SNTN: variants seen among roughly 807,000 people sequenced by gnomAD.
The protein encoded by SNTN is sentan.
SNTN carries 13 observed loss-of-function variants against 12.3 expected under a neutral mutation model. That is an observed-to-expected ratio of 1.05 (90% confidence interval 0.69 to 1.67). The LOEUF (loss-of-function observed/expected upper bound fraction) is 1.67, where lower values mean the gene tolerates loss of function less well. Ranked by LOEUF, SNTN falls within the 40% of genes most tolerant of loss-of-function variation. SNTN has a pLI of 0.00. For synonymous variants in SNTN, 69 were observed against 58.5 expected (o/e 1.18, Z -0.82); for missense variants, 189 against 169.8 (o/e 1.11, Z -0.63).
chr3:63,661,915 T>C (rs188840176), intron 3 of SNTN, among the ~76,000 whole-genome samples: 2 of 152,222 alleles, frequency 1.3e-5, no homozygotes, highest in Admixed American at 6.5e-5. Flanking sequence ...TTGATGTAAC[T>C]CATCATCCCT....
chr3:63,653,464 G>A (rs556736029), intron 1 of SNTN, among the ~76,000 whole-genome samples: 59 of 152,128 alleles, frequency 3.9e-4, no homozygotes, highest in Non-Finnish European at 7.5e-4. Flanking sequence ...GACCACGAAG[G>A]GTTCGAGATA....
At position 63,652,832 on chromosome 3, in the gene SNTN, A is replaced by G. The variant is rs1031155116; in HGVS notation, c.110+35A>G. On this transcript the variant is annotated intron_variant, in intron 1 of 3. Transcript: ENST00000343837. ...ACTTGGCTGTCTTTTATTGAGTTTC[A>G]TTTAAGCTTGCAGATATATTTCCAA... is the stretch of plus-strand genomic sequence containing the variant. The G allele has an allele frequency of 3.2e-6, 5 of 1,581,932 alleles. No individual in the cohort carries two copies. The African/African-American group carries it at 6.7e-5, about 21-fold the overall frequency.
intron 3 of SNTN, among the ~76,000 whole-genome samples, chr3:63,661,028 CTACTT>C (rs1312530744): frequency 3.3e-5 from 5 of 152,156 alleles, no homozygotes; most frequent in African/African-American, 1.2e-4. Flanking sequence ...TGTTTTCTCT[CTACTT>C]AAGTAAATTT....
intron 3 of SNTN, among the ~76,000 whole-genome samples, chr3:63,663,351 G>T (rs1379939794): frequency 6.6e-6 from 1 of 152,204 alleles, no homozygotes; most frequent in African/African-American, 2.4e-5. Flanking sequence ...GATTAGAGGA[G>T]ATAACACATA....
At chr3:63,654,645 C>A in intron 1 of SNTN, 117 bp from the exon 2 acceptor site, 1 of 874,578 alleles carries the variant, frequency 1.1e-6, no homozygotes, top group Non-Finnish European at 1.7e-6. Context: ...CCACTAAAAT[C>A]TCAGAGAATG....
At chr3:63,659,620 A>G in intron 2 of SNTN, 105 bp from the exon 3 acceptor site, 1 of 1,373,662 alleles carries the variant, frequency 7.3e-7, no homozygotes, top group Non-Finnish European at 1.0e-6. Context: ...CAAAGGGCCA[A>G]GATTTAGAAG....
Position 63,664,293 on chromosome 3 carries a change from T to G in SNTN, c.*198T>G, listed in dbSNP as rs1700777749. The G allele has an allele frequency of 1.8e-6, 1 of 545,920 alleles. No individual in the cohort carries two copies. The highest frequency in any genetic ancestry group is 1.9e-5 in the African/African-American group (1 of 52,194). The allele number at this position is 545,920 out of a possible 1,614,324, so 33.8% of individuals were successfully genotyped here. On this transcript the variant is annotated 3_prime_UTR_variant, in exon 4 of 4. Transcript: ENST00000343837. ...AAGAATGTTTGAATGATAAGGTCTC[T>G]GTGTGCTTTACAATAGGATAGATTT...
Position 63,664,694 on chromosome 3 carries a change from G to T in SNTN, c.*599G>T, listed in dbSNP as rs889542380. On this transcript the variant is annotated 3_prime_UTR_variant, in exon 4 of 4. Coordinates refer to ENST00000343837, the MANE Select transcript of SNTN (RefSeq NM_001080537.2). The stretch of plus-strand genomic sequence containing the variant: ...TCCATGGATGCCAGGGATATGGGTG[G>T]GAAATGGGGCTGTCCACAAATGGCA... The T allele has an allele frequency of 4.0e-5, 6 of 151,124 alleles. No individual in the cohort carries two copies. Among genetic ancestry groups the T allele is most frequent in the African/African-American group, 1.5e-4 (6 of 41,240 alleles). 9.4% of individuals were successfully genotyped at this position (151,124 alleles called of 1,614,324 possible). A position where few individuals can be genotyped will look rare whatever the true frequency, so the allele number is the denominator to read the frequency against.
intron 1 of SNTN, 65 bp from the exon 2 acceptor site, chr3:63,654,697 C>G: frequency 7.2e-7 from 1 of 1,382,824 alleles, no homozygotes; most frequent in Non-Finnish European, 1.0e-6. Context: ...TATTGCTCTG[C>G]TATAGATGCT....
chr3:63,655,460 T>C (rs1173485893), intron 2 of SNTN, among the ~76,000 whole-genome samples: 5 of 152,206 alleles, frequency 3.3e-5, no homozygotes, highest in African/African-American at 9.6e-5. Flanking sequence ...GTAATTTTAT[T>C]TAAATAAATC....
At chr3:63,660,659 A>G (rs1444106156) in intron 3 of SNTN, among the ~76,000 whole-genome samples, 1 of 152,176 alleles carries the variant, frequency 6.6e-6, no homozygotes, top group Non-Finnish European at 1.5e-5. Flanking sequence ...CTGACTTACA[A>G]AAGGAATGGT....
At chr3:63,658,526 G>C (rs769278793) in intron 2 of SNTN, among the ~76,000 whole-genome samples, 10 of 151,416 alleles carry the variant, frequency 6.6e-5, no homozygotes, top group Non-Finnish European at 2.9e-5. Context: ...TTCTTTGCTA[G>C]ATCGTAAGAT....
At chr3:63,655,253 G>T (rs1700664757) in intron 2 of SNTN, among the ~76,000 whole-genome samples, 1 of 152,094 alleles carries the variant, frequency 6.6e-6, no homozygotes, top group Admixed American at 6.6e-5. Flanking sequence ...CAATTGCATA[G>T]GTAAAATAAG....
In SNTN at chr3:63,656,506, A is replaced by C. The variant is rs947252158; in HGVS notation, c.145+1710A>C. 4.6e-5 allele frequency among the ~76,000 whole-genome samples: 7 copies of C among 152,300 alleles called. No homozygotes were observed. The East Asian group carries it at 1.3e-3, about 29-fold the overall frequency. ...TAGGAAAAAAAATGTAAAATATCCC[A>C]ATAATTTGTTTATATTGATGACATG... On this transcript the variant is annotated intron_variant, in intron 2 of 3. Coordinates refer to ENST00000343837, the MANE Select transcript of SNTN (RefSeq NM_001080537.2).
Position 63,654,804 on chromosome 3 carries a change from A to G in SNTN, c.145+8A>G, listed in dbSNP as rs1700658472. ...AACTGGCTTCAGTGAAAGGTAAGGC[A>G]CAGATGACGCAGATGTACATTTTTC... is the stretch of plus-strand genomic sequence containing the variant. On this transcript the variant is annotated splice_region_variant and intron_variant, in intron 2 of 3. Coordinates refer to ENST00000343837, the MANE Select transcript of SNTN (RefSeq NM_001080537.2). 3 of 1,612,748 alleles carry G rather than the reference A, an allele frequency of 1.9e-6. No individual in the cohort carries two copies. Among genetic ancestry groups the G allele is most frequent in the South Asian group, 2.2e-5 (2 of 90,766 alleles).
rs1032147386 is a variant in SNTN, at chr3:63,659,754, G to C, written c.175G>C (p.Ala59Pro). The C allele has an allele frequency of 3.1e-6, 5 of 1,613,928 alleles. No individual in the cohort carries two copies. In the East Asian group the frequency reaches 1.1e-4, roughly 36 times the overall value. Residue 59 changes from alanine to proline, a missense_variant, in exon 3 of 4, where the codon GCT becomes CCT. By Grantham distance (27) the Ala-to-Pro change is conservative. Transcript: ENST00000343837. ...ALRKCSDLEKAIATTALIFRN... is the reference protein window; with the variant it reads ...ALRKCSDLEKPIATTALIFRN... Reference sequence around the variant, plus strand: ...GAGGAAGTGCTCAGATCTGGAAAAAGCTATTGCCACCACTGCTCTGATTTT... The same window carrying C: ...GAGGAAGTGCTCAGATCTGGAAAAACCTATTGCCACCACTGCTCTGATTTT...
intron 1 of SNTN, among the ~76,000 whole-genome samples, chr3:63,653,419 G>A (rs749975433): frequency 2.6e-5 from 4 of 152,142 alleles, no homozygotes; most frequent in Non-Finnish European, 4.4e-5. Context: ...TAATGGTGCA[G>A]AGGTTGTAGA....
At position 63,663,992 on chromosome 3, in the gene SNTN, C is replaced by T. The variant is rs746905366; in HGVS notation, c.341C>T (p.Thr114Ile). 4 of 1,613,826 alleles carry T rather than the reference C, an allele frequency of 2.5e-6. No individual in the cohort carries two copies. Among genetic ancestry groups the T allele is most frequent in the Middle Eastern group, 1.6e-4 (1 of 6,082 alleles). ...REILSELDEH[T>I]ENKLDFEDFM... ...ATCCTTTCTGAACTTGATGAGCACA[C>T]AGAAAATAAGCTAGATTTTGAAGAC... The change falls in exon 4 of 4, where the codon ACA (threonine) becomes ATA (isoleucine). Residue 114 changes from threonine (T) to isoleucine (I), a missense_variant. Physicochemically the swap from Thr to Ile is moderately conservative, Grantham distance 89. Transcript: ENST00000343837.
rs984226443 is a variant in SNTN at position 63,654,296 on chromosome 3, T to G, written c.111-466T>G. On this transcript the variant is annotated intron_variant, in intron 1 of 3. Coordinates refer to ENST00000343837, the MANE Select transcript of SNTN (RefSeq NM_001080537.2). ...TCTGAGCATTTTACAGAATGCGAAG[T>G]CCTTTTTTCTTTGCCATGTGACAGT... is the stretch of plus-strand genomic sequence containing the variant. Among the ~76,000 whole-genome samples the G allele has an allele frequency of 9.2e-5, 14 of 152,300 alleles. 1 individual carries two copies. The South Asian group carries it at 2.7e-3, about 29-fold the overall frequency.
Sources: allele counts gnomAD v4.1 joint callset (sites outside exome capture counted in the v4.1 genomes callset), GRCh38; gene constraint gnomAD v4.1.1; transcripts MANE v1.5; gene names NCBI Gene and HGNC (gene_info 2026-07-23, HGNC 2026-07-21).